The following TBCA variants were observed in gnomAD, a reference collection of about 807,000 sequenced individuals.
TBCA encodes tubulin folding cofactor A, also known as tubulin-specific chaperone A.
TBCA carries 6 observed loss-of-function variants against 15.8 expected under a neutral mutation model. That is an observed-to-expected ratio of 0.38 (90% CI 0.21 to 0.75). The LOEUF (loss-of-function observed/expected upper bound fraction) is 0.75. Ranked by LOEUF, TBCA falls within the 30% of genes least tolerant of loss-of-function variation. The pLI, the probability that TBCA is intolerant of heterozygous loss-of-function variation, is 0.46. For missense variants in TBCA, 90 were observed against 131.2 expected, an observed-to-expected ratio of 0.69 and a Z score of 1.53; for synonymous variants, 32 against 42.3, an observed-to-expected ratio of 0.76 and a Z score of 0.94.
intron 1 of TBCA, among the ~76,000 whole-genome samples, chr5:77,744,021 T>C (rs1747110089): frequency 1.3e-5 from 2 of 152,142 alleles, no homozygotes; most frequent in South Asian, 4.1e-4. Flanking sequence ...TGAGTCCCAA[T>C]TTATCAGCTT....
chr5:77,749,474 C>G (rs1474236955), intron 1 of TBCA, among the ~76,000 whole-genome samples: 1 of 152,198 alleles, frequency 6.6e-6, no homozygotes, highest in African/African-American at 2.4e-5. Context: ...GGACTAGTGT[C>G]TACACATATT....
At chr5:77,750,670 T>C (rs1337501782) in intron 1 of TBCA, among the ~76,000 whole-genome samples, 6 of 152,214 alleles carry the variant, frequency 3.9e-5, no homozygotes, top group African/African-American at 1.2e-4. Context: ...ATCACCTTTG[T>C]GAACTCAAAA....
intron 1 of TBCA, among the ~76,000 whole-genome samples, chr5:77,756,442 T>C (rs1356556400): frequency 6.6e-6 from 1 of 152,140 alleles, no homozygotes; most frequent in Non-Finnish European, 1.5e-5. Flanking sequence ...CACAATGACC[T>C]TTATCTTCAG....
At chr5:77,716,593 T>C (rs1293305493) in intron 1 of TBCA, among the ~76,000 whole-genome samples, 1 of 152,178 alleles carries the variant, frequency 6.6e-6, no homozygotes, top group Non-Finnish European at 1.5e-5. Flanking sequence ...GGTACTAGTA[T>C]TATTCCCATT....
At chr5:77,759,439 C>T (rs1747553085) in intron 1 of TBCA, among the ~76,000 whole-genome samples, 1 of 152,200 alleles carries the variant, frequency 6.6e-6, no homozygotes, top group Admixed American at 6.5e-5. Flanking sequence ...GCGACTCCTA[C>T]TTCCCATAAT....
intron 2 of TBCA, among the ~76,000 whole-genome samples, chr5:77,693,799 CAAA>C (rs70991303): frequency 1.3e-4 from 10 of 77,936 alleles, no homozygotes; most frequent in Admixed American, 8.6e-4. Context: ...AACTCCATCT[CAAA>C]AAAAAAAAAA....
At chr5:77,734,429 A>C (rs920989952) in intron 1 of TBCA, among the ~76,000 whole-genome samples, 5 of 152,180 alleles carry the variant, frequency 3.3e-5, no homozygotes, top group Non-Finnish European at 5.9e-5. Flanking sequence ...CAATATTAGC[A>C]AGAGTTTGGG....
At chr5:77,759,034 C>A (rs1747543688) in intron 1 of TBCA, among the ~76,000 whole-genome samples, 1 of 152,174 alleles carries the variant, frequency 6.6e-6, no homozygotes, top group South Asian at 2.1e-4. Flanking sequence ...CAAACCATCA[C>A]CTGACGGTCA....
At chr5:77,706,497 A>G (rs915630044) in intron 2 of TBCA, among the ~76,000 whole-genome samples, 2 of 152,092 alleles carry the variant, frequency 1.3e-5, no homozygotes, top group African/African-American at 2.4e-5. Context: ...ATGGCAATAG[A>G]GAGAAAAATA....
chr5:77,755,890 G>C (rs1375276506), intron 1 of TBCA, among the ~76,000 whole-genome samples: 1 of 152,102 alleles, frequency 6.6e-6, no homozygotes, highest in Admixed American at 6.5e-5. Context: ...TGTAATCCCA[G>C]CTACTCAGGA....
At chr5:77,697,755 A>C (rs1008473228) in intron 2 of TBCA, among the ~76,000 whole-genome samples, 3 of 152,132 alleles carry the variant, frequency 2.0e-5, no homozygotes, top group African/African-American at 7.2e-5. Flanking sequence ...AACCTAAAAC[A>C]AGCAGAAGGA....
rs115333630 is a variant in TBCA, at chr5:77,756,996, A to C, written c.53+19209T>G. On this transcript the variant is annotated intron_variant, in intron 1 of 3. Transcript: ENST00000380377. ...CAATAGAGTGTAAGAAAAGTAATGA[A>C]AGAACAATTTTTTTTTAAGACAGGA... 6.4e-3 allele frequency among the ~76,000 whole-genome samples: 974 copies of C among 152,326 alleles called. 14 individuals are homozygous for C. Among genetic ancestry groups the C allele is most frequent in the African/African-American group, 0.023 (939 of 41,572 alleles).
intron 1 of TBCA, among the ~76,000 whole-genome samples, chr5:77,772,013 G>A (rs1197578247): frequency 2.0e-5 from 3 of 151,576 alleles, no homozygotes; most frequent in African/African-American, 4.9e-5. Flanking sequence ...GAAAATGAAC[G>A]TCTAACCAGA....
At chr5:77,763,285 C>T (rs1304481781) in intron 1 of TBCA, among the ~76,000 whole-genome samples, 1 of 151,930 alleles carries the variant, frequency 6.6e-6, no homozygotes, top group Non-Finnish European at 1.5e-5. Context: ...AATAAAAAGA[C>T]AAGCAAAACA....
At chr5:77,692,431 A>G (rs1221397247) in intron 3 of TBCA, 2 of 959,144 alleles carry the variant, frequency 2.1e-6, no homozygotes, top group African/African-American at 3.5e-5. Context: ...ATATCATCCA[A>G]ATACATTATT....
At chr5:77,695,176 CA>C (rs1176668082) in intron 2 of TBCA, among the ~76,000 whole-genome samples, 1 of 151,546 alleles carries the variant, frequency 6.6e-6, no homozygotes, top group Admixed American at 6.6e-5. Flanking sequence ...TTTTAGCCAC[CA>C]AAAAAAACTT....
intron 1 of TBCA, among the ~76,000 whole-genome samples, chr5:77,745,290 C>T (rs1239047733): frequency 6.6e-6 from 1 of 152,170 alleles, no homozygotes; most frequent in African/African-American, 2.4e-5. Flanking sequence ...AAAAGAACTG[C>T]CTTTCCTATT....
chr5:77,760,781 C>T (rs1192647946), intron 1 of TBCA, among the ~76,000 whole-genome samples: 2 of 152,198 alleles, frequency 1.3e-5, no homozygotes, highest in African/African-American at 2.4e-5. Context: ...CAACCTCCAC[C>T]TCCCAGCCGC....
chr5:77,691,436 T>G lies in TBCA; in HGVS notation c.309A>C (p.Ser103=), dbSNP rs1383605981. The G allele has an allele frequency of 6.3e-7, 1 of 1,597,530 alleles. No individual in the cohort carries two copies. Among genetic ancestry groups the G allele is most frequent in the Admixed American group, 1.8e-5 (1 of 55,498 alleles). ...AAAAGTTTCAGGCTTCTAACTTCAC[T>G]GAATCCAGTACTAAACGTGCTTCTT... is the stretch of plus-strand genomic sequence containing the variant. ...EYKEARLVLD[S]VKLEA is the part of the protein sequence containing the mutation. Residue 103 remains serine (S), a synonymous_variant, in exon 4 of 4, where the codon TCA becomes TCC. Transcript: ENST00000380377.
Sources: allele counts gnomAD v4.1 joint callset (sites outside exome capture counted in the v4.1 genomes callset), GRCh38; gene constraint gnomAD v4.1.1; transcripts MANE v1.5; gene names NCBI Gene and HGNC (gene_info 2026-07-23, HGNC 2026-07-21).